ACO1: variants seen among roughly 807,000 people sequenced by gnomAD.
The protein encoded by ACO1 is cytoplasmic aconitate hydratase.
A neutral mutation model predicts 105.1 loss-of-function variants in ACO1; 78 were observed. That is an observed-to-expected ratio of 0.74 (90% CI 0.62 to 0.90). ACO1 has a LOEUF of 0.90. ACO1 is among the 40% of genes least tolerant of loss of function. ACO1 has a pLI of 0.00. For synonymous variants in ACO1, 364 were observed against 397.4 expected (o/e 0.92, Z 1.00); for missense variants, 965 against 1,111.1 (o/e 0.87, Z 1.87).
In ACO1 at chr9:32,418,206, A is replaced by G. The variant is rs770099446; in HGVS notation, c.474+9A>G. ...GATTTGAATTTTTAAAGGTATGGGC[A>G]GGGTCTGGTTCCATTGTTTGGTTTT... On this transcript the variant is annotated intron_variant, in intron 5 of 20. Coordinates refer to ENST00000309951, the MANE Select transcript of ACO1 (RefSeq NM_002197.3). The G allele has an allele frequency of 3.7e-6, 6 of 1,614,142 alleles. No individual in the cohort carries two copies. The South Asian group carries it at 6.6e-5, about 18-fold the overall frequency.
chr9:32,409,856 G>A (rs1033543669), intron 4 of ACO1, among the ~76,000 whole-genome samples: 4 of 152,002 alleles, frequency 2.6e-5, no homozygotes, highest in African/African-American at 7.3e-5. Flanking sequence ...TTAATAAAAT[G>A]TGTTACAAAG....
At chr9:32,434,429 C>A in intron 16 of ACO1, 130 bp from the exon 17 acceptor site, 1 of 1,052,126 alleles carries the variant, frequency 9.5e-7, no homozygotes, top group Non-Finnish European at 1.4e-6. Flanking sequence ...AACTAGAACA[C>A]TAGAATTTTC....
chr9:32,425,779 A>G, intron 10 of ACO1, 59 bp from the exon 11 acceptor site: 2 of 1,239,296 alleles, frequency 1.6e-6, no homozygotes, highest in South Asian at 3.0e-5. Context: ...CTCTAGCCAG[A>G]TACATGTATA....
intron 8 of ACO1, among the ~76,000 whole-genome samples, chr9:32,421,690 G>A (rs983773384): frequency 2.0e-5 from 3 of 152,160 alleles, no homozygotes; most frequent in Non-Finnish European, 4.4e-5. Context: ...GGAGGTGGAG[G>A]TTATGGTGGG....
At chr9:32,400,143 G>A (rs944732543) in intron 1 of ACO1, among the ~76,000 whole-genome samples, 1 of 151,646 alleles carries the variant, frequency 6.6e-6, no homozygotes, top group Non-Finnish European at 1.5e-5. Context: ...GCTAATTTTT[G>A]TACTTTTAGT....
At chr9:32,418,057 C>T (rs953815647) in intron 4 of ACO1, 71 bp from the exon 5 acceptor site, 13 of 1,400,560 alleles carry the variant, frequency 9.3e-6, no homozygotes, top group East Asian at 2.3e-5. Context: ...TTTGTTTCTT[C>T]ATCACCAATA....
intron 11 of ACO1, 118 bp from the exon 12 acceptor site, chr9:32,427,183 G>A: frequency 1.6e-6 from 2 of 1,277,628 alleles, no homozygotes; most frequent in Non-Finnish European, 2.2e-6. Context: ...CATGAAGGGA[G>A]CGTGGTCAGG....
chr9:32,393,350 A>C (rs1363905867), intron 1 of ACO1, among the ~76,000 whole-genome samples: 1 of 152,176 alleles, frequency 6.6e-6, no homozygotes. Context: ...AATAAGCCCC[A>C]GTCTCCTGTA....
chr9:32,420,515 T>G (rs1281547105), intron 7 of ACO1, among the ~76,000 whole-genome samples: 15 of 152,216 alleles, frequency 9.9e-5, no homozygotes, highest in Non-Finnish European at 2.1e-4. Context: ...AGAGAATTCC[T>G]GTTATCTTTC....
At chr9:32,411,455 T>G (rs1434819073) in intron 4 of ACO1, among the ~76,000 whole-genome samples, 1 of 152,066 alleles carries the variant, frequency 6.6e-6, no homozygotes, top group Non-Finnish European at 1.5e-5. Context: ...AGGTATAGAT[T>G]TAGTTACTGC....
chr9:32,433,980 G>C (rs1179716671), intron 16 of ACO1, 148 bp downstream of exon 16: 1 of 667,276 alleles, frequency 1.5e-6, no homozygotes, highest in Non-Finnish European at 2.5e-6. Context: ...GGAAAGTTTT[G>C]GGAGGCTGGG....
At position 32,384,686 on chromosome 9, in the gene ACO1, C is replaced by T. The variant is rs1383244560; in HGVS notation, c.-72C>T. On this transcript the variant is annotated 5_prime_UTR_variant, in exon 1 of 21. Transcript: ENST00000309951. ...GCGCAGCGCACGGGAACGCGTCCCG[C>T]TGCTTGGGTCAGGTTCGCCGGTCGC... is the stretch of plus-strand genomic sequence containing the variant. 7.3e-6 allele frequency: 3 copies of T among 410,006 alleles called. No homozygotes were observed. Among genetic ancestry groups the T allele is most frequent in the South Asian group, 1.7e-5 (1 of 59,980 alleles). The allele number at this position is 410,006 out of a possible 1,614,324, so 25.4% of individuals were successfully genotyped here.
In ACO1 at chr9:32,420,919, T is replaced by C. The variant is rs41272905; in HGVS notation, c.862T>C (p.Leu288=). 8 of 1,613,968 alleles carry C rather than the reference T, an allele frequency of 5.0e-6. No individual in the cohort carries two copies. Among genetic ancestry groups the C allele is most frequent in the Non-Finnish European group, 6.8e-6 (8 of 1,179,954 alleles). Residue 288 remains leucine (L), a synonymous_variant, in exon 8 of 21, where the codon TTG becomes CTG. Coordinates refer to ENST00000309951, the MANE Select transcript of ACO1 (RefSeq NM_002197.3). The part of the protein sequence containing the change: ...VEFFGPGVAQ[L]SIADRATIAN... ...GTTCTTCGGGCCTGGAGTAGCCCAG[T>C]TGTCCATTGCTGACCGAGCTACGAT...
intron 1 of ACO1, among the ~76,000 whole-genome samples, chr9:32,391,610 T>C (rs1446316377): frequency 6.6e-6 from 1 of 152,242 alleles, no homozygotes; most frequent in Non-Finnish European, 1.5e-5. Context: ...CTTTGGATAG[T>C]GTAACTTGTC....
rs1822288045 is a variant in ACO1 at position 32,433,609 on chromosome 9, A to G, written c.1852-119A>G. ...TATAAAGGAACTCTTGTATGTGGCT[A>G]TTGAGAATAAAAATGGTTCTTAGTG... On this transcript the variant is annotated intron_variant, in intron 15 of 20. Coordinates refer to ENST00000309951, the MANE Select transcript of ACO1 (RefSeq NM_002197.3). 3 of 704,796 alleles carry G rather than the reference A, an allele frequency of 4.3e-6. No homozygotes were observed. The South Asian group carries it at 5.7e-5, about 13-fold the overall frequency. 43.7% of individuals were successfully genotyped at this position (704,796 alleles called of 1,614,324 possible).
intron 4 of ACO1, among the ~76,000 whole-genome samples, chr9:32,413,253 A>G (rs1821778279): frequency 6.6e-6 from 1 of 152,160 alleles, no homozygotes; most frequent in African/African-American, 2.4e-5. Flanking sequence ...TGGGAGGCCA[A>G]GGCAGGTGGA....
intron 1 of ACO1, among the ~76,000 whole-genome samples, chr9:32,393,088 G>C (rs1854529): frequency 0.96 from 146,092 of 152,266 alleles, 70,264 homozygotes; most frequent in Non-Finnish European, 1. Flanking sequence ...AATCTGGGCT[G>C]CTTGAAAAAA....
At chr9:32,411,998 C>G (rs916615583) in intron 4 of ACO1, among the ~76,000 whole-genome samples, 1 of 152,080 alleles carries the variant, frequency 6.6e-6, no homozygotes, top group African/African-American at 2.4e-5. Flanking sequence ...CTCAGCCTTC[C>G]GAGTAGCTGT....
At chr9:32,433,967 T>C (rs7855113) in intron 16 of ACO1, 135 bp downstream of exon 16, 629,575 of 707,314 alleles carry the variant, frequency 0.89, 280,726 homozygotes, top group East Asian at 0.94. Context: ...CAGATACTGC[T>C]GGGGAAAGTT....
Sources: allele counts gnomAD v4.1 joint callset (sites outside exome capture counted in the v4.1 genomes callset), GRCh38; gene constraint gnomAD v4.1.1; transcripts MANE v1.5; gene names NCBI Gene and HGNC (gene_info 2026-07-23, HGNC 2026-07-21).